Variants in NIPAL4 observed in about 807,000 individuals in gnomAD.
NIPAL4 encodes the protein NIPA like domain containing 4, also known as magnesium transporter NIPA4.
A neutral mutation model predicts 31.6 loss-of-function variants in NIPAL4; 21 were observed. The observed-to-expected ratio is 0.67, with a 90% CI of 0.47 to 0.96. The LOEUF (loss-of-function observed/expected upper bound fraction) is 0.96, where lower values mean the gene tolerates loss of function less well. Among genes scored for constraint, NIPAL4 ranks in the 40% least tolerant of loss-of-function variants. The pLI, the probability that NIPAL4 is intolerant of heterozygous loss-of-function variation, is 0.00. For missense variants in NIPAL4, 438 were observed against 508.0 expected (o/e 0.86, Z 1.32); for synonymous variants, 175 against 211.1 (o/e 0.83, Z 1.48).
chr5:157,463,861 G>A (rs898064007), intron 2 of NIPAL4, among the ~76,000 whole-genome samples: 3 of 152,174 alleles, frequency 2.0e-5, no homozygotes, highest in Admixed American at 6.5e-5. Flanking sequence ...AACAGTGCTT[G>A]AGAAAAGGAA....
chr5:157,461,716 C>T (rs1471705828), intron 1 of NIPAL4, among the ~76,000 whole-genome samples: 1 of 152,248 alleles, frequency 6.6e-6, no homozygotes, highest in Non-Finnish European at 1.5e-5. Flanking sequence ...AGAGATATCA[C>T]ACTGCAAAAG....
intron 3 of NIPAL4, 44 bp downstream of exon 3, chr5:157,467,149 C>A: frequency 1.5e-6 from 2 of 1,342,744 alleles, no homozygotes; most frequent in Non-Finnish European, 2.1e-6. Context: ...CTATTGATAG[C>A]AGGGCTGGAG....
chr5:157,472,469 G>A lies in NIPAL4; in HGVS notation c.724G>A (p.Val242Ile), dbSNP rs1340422224. The A allele has an allele frequency of 6.2e-7, 1 of 1,613,914 alleles. No individual in the cohort carries two copies. ...GATCGGGGCCTTCTCTGTGGCTGCT[G>A]TCAAGGGGCTGGGCATCACCATCAA... ...SVIGAFSVAA[V>I]KGLGITIKNF... The change falls in exon 6 of 6, where the codon GTC becomes ATC. Residue 242 changes from valine (V) to isoleucine (I), a missense_variant. Val to Ile is a conservative substitution (Grantham distance 29). Coordinates refer to ENST00000311946, the MANE Select transcript of NIPAL4 (RefSeq NM_001099287.2).
rs1475228986 is a variant in NIPAL4 at position 157,473,944 on chromosome 5, G to A, written c.*984G>A. On this transcript the variant is annotated 3_prime_UTR_variant, in exon 6 of 6. Transcript: ENST00000311946. ...GGATGAGGAGCAAAGTTGGGATTTG[G>A]CAGAAGGCAGTCCCAGGCTCTCTGG... The A allele has an allele frequency of 2.0e-5, 3 of 152,262 alleles. No individual in the cohort carries two copies. The highest frequency in any genetic ancestry group is 2.9e-5 in the Non-Finnish European group (2 of 68,090). The allele number at this position is 152,262 out of a possible 1,614,324, so 9.4% of individuals were successfully genotyped here. A position where few individuals can be genotyped will look rare whatever the true frequency, so the allele number is the denominator to read the frequency against.
At chr5:157,460,762 C>T (rs1308425043) in intron 1 of NIPAL4, among the ~76,000 whole-genome samples, 3 of 152,154 alleles carry the variant, frequency 2.0e-5, no homozygotes, top group Non-Finnish European at 2.9e-5. Flanking sequence ...CATCACAGGA[C>T]GGTCTTGTCT....
intron 4 of NIPAL4, among the ~76,000 whole-genome samples, chr5:157,471,122 G>C (rs1230325232): frequency 1.3e-5 from 2 of 152,194 alleles, no homozygotes; most frequent in African/African-American, 4.8e-5. Context: ...GACATTTGAT[G>C]AGGGTTTATT....
At chr5:157,470,468 G>C (rs1754397116) in intron 4 of NIPAL4, among the ~76,000 whole-genome samples, 1 of 152,150 alleles carries the variant, frequency 6.6e-6, no homozygotes, top group African/African-American at 2.4e-5. Context: ...CTAGTCATTT[G>C]ACCTTGCCAA....
In NIPAL4 at chr5:157,473,855, GGCAGAAC is replaced by G. The variant is rs1754510730; in HGVS notation, c.*899_*905del. 6.6e-6 allele frequency: 1 copy of G among 152,210 alleles called. No individual in the cohort carries two copies. The highest frequency in any genetic ancestry group is 2.1e-4 in the South Asian group (1 of 4,830). 9.4% of individuals were successfully genotyped at this position (152,210 alleles called of 1,614,324 possible). A position where few individuals can be genotyped will look rare whatever the true frequency, so the allele number is the denominator to read the frequency against. On this transcript the variant is annotated 3_prime_UTR_variant, in exon 6 of 6. Transcript: ENST00000311946. ...TGGCCTGGCTGCCAAGCTAGAATTT[GGCAGAAC>G]GCACTTTACTATTCCTCAAGGAGTC...
intron 1 of NIPAL4, among the ~76,000 whole-genome samples, chr5:157,461,358 C>G (rs915026007): frequency 6.6e-6 from 1 of 152,222 alleles, no homozygotes; most frequent in Non-Finnish European, 1.5e-5. Context: ...AGTGGGAGAA[C>G]TTGACTCAAT....
intron 1 of NIPAL4, 97 bp downstream of exon 1, chr5:157,460,454 C>G: frequency 4.7e-6 from 6 of 1,274,764 alleles, no homozygotes; most frequent in East Asian, 2.5e-5. Context: ...CCCAGGGGGG[C>G]CAAAGCTGGG....
intron 2 of NIPAL4, among the ~76,000 whole-genome samples, chr5:157,463,739 G>A (rs1754177162): frequency 6.6e-6 from 1 of 152,152 alleles, no homozygotes; most frequent in African/African-American, 2.4e-5. Context: ...GTCAGACGCT[G>A]GTGTGCCCTC....
chr5:157,462,009 G>A (rs1754123598), intron 1 of NIPAL4, among the ~76,000 whole-genome samples: 1 of 152,220 alleles, frequency 6.6e-6, no homozygotes, highest in African/African-American at 2.4e-5. Flanking sequence ...TCCAGGCACT[G>A]CCTGGGAGTT....
intron 4 of NIPAL4, among the ~76,000 whole-genome samples, chr5:157,469,121 G>A (rs1269839402): frequency 6.6e-6 from 1 of 152,218 alleles, no homozygotes; most frequent in East Asian, 1.9e-4. Context: ...CAGCATACAA[G>A]TTAAGAGCAT....
chr5:157,461,870 C>G lies in NIPAL4; in HGVS notation c.38-1224C>G, dbSNP rs561305702. ...GACTGCTTTCTAAGGGCTCTTCAAGCTCTGTTATTCATGGGTCTGTGTCGT... is the reference window on the plus strand; with the variant it reads ...GACTGCTTTCTAAGGGCTCTTCAAGGTCTGTTATTCATGGGTCTGTGTCGT... On this transcript the variant is annotated intron_variant, in intron 1 of 5. Transcript: ENST00000311946. Among the ~76,000 whole-genome samples the G allele has an allele frequency of 5.3e-5, 8 of 152,330 alleles. No homozygotes were observed. The South Asian group carries it at 1.7e-3, about 32-fold the overall frequency.
At chr5:157,470,075 G>A (rs556323578) in intron 4 of NIPAL4, among the ~76,000 whole-genome samples, 1 of 152,308 alleles carries the variant, frequency 6.6e-6, no homozygotes, top group African/African-American at 2.4e-5. Flanking sequence ...ACAGACAAGA[G>A]AGCTTAGATA....
At position 157,463,405 on chromosome 5, in the gene NIPAL4, A is replaced by G. The variant is rs542115769; in HGVS notation, c.277+72A>G. ...CTCACAAGGTCCGGGGCTGTAGTCT[A>G]AGAGGATGGCCTCAGCAAGGTACAA... On this transcript the variant is annotated intron_variant, in intron 2 of 5. Coordinates refer to ENST00000311946, the MANE Select transcript of NIPAL4 (RefSeq NM_001099287.2). The G allele has an allele frequency of 9.3e-5, 138 of 1,482,328 alleles. 3 individuals carry two copies. The Middle Eastern group carries it at 1.5e-3, about 16-fold the overall frequency. The allele number at this position is 1,482,328 out of a possible 1,614,324, so 91.8% of individuals were successfully genotyped here.
chr5:157,462,679 G>T (rs1442134347), intron 1 of NIPAL4, among the ~76,000 whole-genome samples: 2 of 152,134 alleles, frequency 1.3e-5, no homozygotes, highest in African/African-American at 4.8e-5. Flanking sequence ...TCAGAGCTTT[G>T]GTTTCTTCAA....
intron 3 of NIPAL4, 32 bp downstream of exon 3, chr5:157,467,137 G>A: frequency 2.0e-6 from 3 of 1,470,124 alleles, no homozygotes; most frequent in Non-Finnish European, 2.9e-6. Flanking sequence ...AATAACAGTG[G>A]CCTATTGATA....
chr5:157,468,555 A>G (rs1754343049), intron 3 of NIPAL4, among the ~76,000 whole-genome samples, 167 bp from the exon 4 acceptor site: 1 of 152,160 alleles, frequency 6.6e-6, no homozygotes. Context: ...ATCTGGACAG[A>G]CTGGGACTGA....
Sources: allele counts gnomAD v4.1 joint callset (sites outside exome capture counted in the v4.1 genomes callset), GRCh38; gene constraint gnomAD v4.1.1; transcripts MANE v1.5; gene names NCBI Gene and HGNC (gene_info 2026-07-23, HGNC 2026-07-21).